MICAL2: variants seen among roughly 807,000 people sequenced by gnomAD.
MICAL2 encodes [F-actin]-monooxygenase MICAL2.
A neutral mutation model predicts 127.3 loss-of-function variants in MICAL2; 77 were observed. The observed-to-expected ratio is 0.60, with a 90% CI of 0.50 to 0.73. The LOEUF is 0.73. MICAL2 is among the 30% of genes least tolerant of loss of function. MICAL2 has a pLI of 0.00. For synonymous variants in MICAL2, 570 were observed against 551.1 expected (o/e 1.03, Z -0.48); for missense variants, 1,351 against 1,434.4 (o/e 0.94, Z 0.94).
chr11:12,220,404 G>A lies in MICAL2; in HGVS notation c.1152G>A (p.Arg384=). 1.9e-6 allele frequency: 3 copies of A among 1,613,564 alleles called. No individual in the cohort carries two copies. Among genetic ancestry groups the A allele is most frequent in the Non-Finnish European group, 2.5e-6 (3 of 1,180,034 alleles). ...CCTCAGAGAACGCGGCCCTGGTGCG[G>A]GAGCGGCAGGCGCACCAGCTGCTCG... is the stretch of plus-strand genomic sequence containing the variant. ...MYASENAALV[R]ERQAHQLLVA... is the part of the protein sequence containing the mutation. The change falls in exon 9 of 28, where the codon CGG becomes CGA. Residue 384 remains arginine (R), a synonymous_variant. Transcript: ENST00000683283.
intron 1 of MICAL2, among the ~76,000 whole-genome samples, chr11:12,135,491 A>C (rs1851764854): frequency 6.6e-6 from 1 of 152,134 alleles, no homozygotes; most frequent in South Asian, 2.1e-4. Flanking sequence ...ACCTCCAAGC[A>C]CCTGCTCTGA....
chr11:12,352,040 G>T, intron 33 of MICAL2, among the ~76,000 whole-genome samples: 1 of 152,000 alleles, frequency 6.6e-6, no homozygotes, highest in Admixed American at 6.6e-5. Context: ...CACCCACCTC[G>T]GCCTCCCAAA....
intron 15 of MICAL2, among the ~76,000 whole-genome samples, chr11:12,230,290 G>T (rs1018563744): frequency 2.0e-5 from 3 of 152,168 alleles, no homozygotes; most frequent in Non-Finnish European, 2.9e-5. Context: ...ACAGCCACAG[G>T]GGATGTCTGC....
chr11:12,288,212 A>G (rs1226195479), downstream of MICAL2, among the ~76,000 whole-genome samples: 1 of 152,344 alleles, frequency 6.6e-6, no homozygotes, highest in East Asian at 1.9e-4. Context: ...CCCAGCGGCG[A>G]CAGCAGAGGG....
intron 21 of MICAL2, among the ~76,000 whole-genome samples, chr11:12,244,671 G>A (rs924776705): frequency 1.3e-5 from 2 of 152,190 alleles, no homozygotes; most frequent in Non-Finnish European, 2.9e-5. Context: ...AGTGTTGAAG[G>A]TTCCATGGGG....
rs1028577844 is a variant in MICAL2 at position 12,335,223 on chromosome 11, A to C, written c.5515+7957A>C. ...GGCCAGTGATGATGAGCCTCTTTTC[A>C]TGTGTTTTTTGGCTGCATAAATGTC... On this transcript the variant is annotated intron_variant, in intron 32 of 34. Transcript: ENST00000646065. 1.3e-3 allele frequency among the ~76,000 whole-genome samples: 202 copies of C among 151,826 alleles called. 1 individual carries two copies. Among genetic ancestry groups the C allele is most frequent in the Non-Finnish European group, 2.2e-3 (151 of 67,984 alleles).
At chr11:12,226,063 C>A in intron 13 of MICAL2, 108 bp from the exon 14 acceptor site, 1 of 1,060,754 alleles carries the variant, frequency 9.4e-7, no homozygotes, top group Non-Finnish European at 1.4e-6. Context: ...AACCTGCCGA[C>A]ACCTGGCAGA....
chr11:12,198,890 G>A (rs1860292204), intron 3 of MICAL2, among the ~76,000 whole-genome samples: 1 of 152,204 alleles, frequency 6.6e-6, no homozygotes, highest in Non-Finnish European at 1.5e-5. Flanking sequence ...GGCTGGACCT[G>A]GCTTGCTCGT....
At chr11:12,242,584 G>A (rs1032492713) in intron 19 of MICAL2, 87 bp from the exon 20 acceptor site, 2 of 1,448,316 alleles carry the variant, frequency 1.4e-6, no homozygotes, top group Non-Finnish European at 1.9e-6. Context: ...GCCCCCGGCT[G>A]CCTCCCTCAC....
In MICAL2 at chr11:12,232,278, C is replaced by G. The variant is rs146359317; in HGVS notation, c.1996-3899C>G. Among the ~76,000 whole-genome samples, 77 of 152,338 alleles carry G rather than the reference C, an allele frequency of 5.1e-4. 2 individuals are homozygous for G. Among genetic ancestry groups the G allele is most frequent in the African/African-American group, 1.9e-3 (77 of 41,568 alleles). On this transcript the variant is annotated intron_variant, in intron 15 of 27. Coordinates refer to ENST00000683283, the MANE Select transcript of MICAL2 (RefSeq NM_001282663.2). ...ATACAAAACACTTTCACATACATCT[C>G]ATTTGCTCCTCATGTCACCTTTGGA...
chr11:12,329,250 C>G (rs555640778), intron 32 of MICAL2, among the ~76,000 whole-genome samples: 1 of 152,308 alleles, frequency 6.6e-6, no homozygotes, highest in South Asian at 2.1e-4. Context: ...GAGTTTCTTG[C>G]TGCCTGGACT....
At chr11:12,228,538 T>C (rs1857783154) in intron 15 of MICAL2, among the ~76,000 whole-genome samples, 1 of 152,148 alleles carries the variant, frequency 6.6e-6, no homozygotes, top group African/African-American at 2.4e-5. Context: ...GGAAGATAGA[T>C]GCTGGGAAGA....
intron 34 of MICAL2, among the ~76,000 whole-genome samples, chr11:12,355,534 C>T (rs1263781155): frequency 6.6e-6 from 1 of 152,244 alleles, no homozygotes; most frequent in African/African-American, 2.4e-5. Context: ...TTCCCATATT[C>T]AGACCTAGAT....
intron 31 of MICAL2, among the ~76,000 whole-genome samples, chr11:12,325,942 T>A (rs1864349223): frequency 6.6e-6 from 1 of 152,238 alleles, no homozygotes; most frequent in Non-Finnish European, 1.5e-5. Context: ...AAGATATAAT[T>A]GTCTTTAAGG....
intron 8 of MICAL2, among the ~76,000 whole-genome samples, chr11:12,218,993 C>T (rs998886050): frequency 1.3e-5 from 2 of 152,220 alleles, no homozygotes; most frequent in African/African-American, 4.8e-5. Context: ...TGTGTACACT[C>T]ATTCCATCTT....
At position 12,209,567 on chromosome 11, in the gene MICAL2, T is replaced by A; in HGVS notation, c.660T>A (p.Ile220=). ...CGGAGTTTGAGTTTGACGTCATCAT[T>A]GGTGCCGATGGCCGCAGGAACACCC... ...SLSEFEFDVI[I]GADGRRNTLE... Residue 220 remains isoleucine, a synonymous_variant, in exon 6 of 28, where the codon ATT becomes ATA. Transcript: ENST00000683283. 6.2e-7 allele frequency: 1 copy of A among 1,614,188 alleles called. No individual in the cohort carries two copies. Among genetic ancestry groups the A allele is most frequent in the Non-Finnish European group, 8.5e-7 (1 of 1,180,012 alleles).
chr11:12,141,574 A>T (rs1852357172), intron 2 of MICAL2, among the ~76,000 whole-genome samples: 1 of 152,212 alleles, frequency 6.6e-6, no homozygotes. Flanking sequence ...TCTTCTGCCA[A>T]GCAGCATGGG....
chr11:12,241,224 G>T, intron 18 of MICAL2, 62 bp downstream of exon 18: 2 of 1,557,128 alleles, frequency 1.3e-6, no homozygotes, highest in South Asian at 1.2e-5. Flanking sequence ...ATCCAGATGG[G>T]TGGGGTCAGT....
chr11:12,226,476 G>T, intron 14 of MICAL2, 106 bp downstream of exon 14: 2 of 1,188,520 alleles, frequency 1.7e-6, no homozygotes, highest in East Asian at 2.5e-5. Context: ...GGGCTGCCCA[G>T]TGTGTTCCCC....
Sources: allele counts gnomAD v4.1 joint callset (sites outside exome capture counted in the v4.1 genomes callset), GRCh38; gene constraint gnomAD v4.1.1; transcripts MANE v1.5; gene names NCBI Gene and HGNC (gene_info 2026-07-23, HGNC 2026-07-21).